FAM3D: variants seen among roughly 807,000 people sequenced by gnomAD.
The protein encoded by FAM3D is FAM3 metabolism regulating signaling molecule D, also known as protein FAM3D.
In FAM3D, 26 loss-of-function variants were observed where a neutral mutation model predicts 29.8. The ratio of observed to expected loss-of-function variants is 0.87; its 90% confidence interval spans 0.64 to 1.21. The LOEUF (loss-of-function observed/expected upper bound fraction) is 1.21. Ranked by LOEUF, FAM3D falls within the 50% of genes most tolerant of loss-of-function variation. The probability of loss-of-function intolerance (pLI) is 0.00; values close to 1 mark genes in which losing one functional copy is unlikely to be tolerated. For synonymous variants in FAM3D, 115 were observed against 102.3 expected (o/e 1.12, Z -0.75); for missense variants, 253 against 290.9 (o/e 0.87, Z 0.95).
chr3:58,660,874 G>A (rs867419391), intron 1 of FAM3D, among the ~76,000 whole-genome samples: 2 of 152,266 alleles, frequency 1.3e-5, no homozygotes, highest in East Asian at 1.9e-4. Flanking sequence ...ACTGAGGCAC[G>A]GCGGTCAAGT....
At chr3:58,654,283 C>G (rs1421671520) in intron 2 of FAM3D, among the ~76,000 whole-genome samples, 1 of 152,228 alleles carries the variant, frequency 6.6e-6, no homozygotes, top group East Asian at 1.9e-4. Context: ...ACAGAGCAGA[C>G]CTGGTAACAC....
At chr3:58,661,511 C>T (rs543577459) in intron 1 of FAM3D, among the ~76,000 whole-genome samples, 9 of 152,284 alleles carry the variant, frequency 5.9e-5, no homozygotes, top group African/African-American at 2.2e-4. Context: ...ACGCTCAGTA[C>T]CTGGCACCCA....
Position 58,636,289 on chromosome 3 carries a change from C to T in FAM3D, c.585+5G>A. 6.2e-7 allele frequency: 1 copy of T among 1,613,520 alleles called. No individual in the cohort carries two copies. The highest frequency in any genetic ancestry group is 8.5e-7 in the Non-Finnish European group (1 of 1,179,818). On this transcript the variant is annotated splice_donor_5th_base_variant and intron_variant, in intron 9 of 9. Transcript: ENST00000358781. ...CATAGGGCCGGGTTGTGGCCCAGAACCCACCTGCTCAAAGGGGCTTTTACC... is the reference window on the plus strand; with the variant it reads ...CATAGGGCCGGGTTGTGGCCCAGAATCCACCTGCTCAAAGGGGCTTTTACC...
At chr3:58,658,697 T>C (rs1029029378) in intron 1 of FAM3D, among the ~76,000 whole-genome samples, 1 of 152,104 alleles carries the variant, frequency 6.6e-6, no homozygotes, top group African/African-American at 2.4e-5. Flanking sequence ...AATCAGAGCT[T>C]TGCAATTTCC....
intron 2 of FAM3D, among the ~76,000 whole-genome samples, chr3:58,654,658 G>A (rs574522588): frequency 3.9e-5 from 6 of 152,160 alleles, no homozygotes; most frequent in African/African-American, 1.4e-4. Context: ...AGGCCCAGCT[G>A]TGGCACCCCT....
intron 7 of FAM3D, among the ~76,000 whole-genome samples, chr3:58,637,746 G>C (rs77982970): frequency 0.076 from 11,544 of 152,166 alleles, 578 homozygotes; most frequent in Middle Eastern, 0.17. Flanking sequence ...AAGGAGCAAG[G>C]CTCTGCGTGT....
chr3:58,661,088 A>C (rs146255953), intron 1 of FAM3D, among the ~76,000 whole-genome samples: 1 of 152,370 alleles, frequency 6.6e-6, no homozygotes, highest in African/African-American at 2.4e-5. Flanking sequence ...AAGCAGCCAC[A>C]GACAATATAT....
chr3:58,655,063 C>A (rs1468870086), intron 2 of FAM3D, among the ~76,000 whole-genome samples: 1 of 152,004 alleles, frequency 6.6e-6, no homozygotes, highest in African/African-American at 2.4e-5. Context: ...GGTTTACACC[C>A]AGAGAAGTAA....
chr3:58,650,172 G>A (rs564228659), intron 3 of FAM3D, among the ~76,000 whole-genome samples: 29 of 152,340 alleles, frequency 1.9e-4, no homozygotes, highest in Admixed American at 1.8e-3. Flanking sequence ...TCCAGAGGAA[G>A]CAGAAATCCT....
At chr3:58,661,615 G>A (rs1559509817) in intron 1 of FAM3D, among the ~76,000 whole-genome samples, 2 of 152,204 alleles carry the variant, frequency 1.3e-5, no homozygotes, top group Non-Finnish European at 2.9e-5. Flanking sequence ...TCTGTATAAC[G>A]TGGTGGCTAA....
chr3:58,634,641 G>C lies in FAM3D; in HGVS notation c.586-273C>G, dbSNP rs946851382. 2.6e-5 allele frequency among the ~76,000 whole-genome samples: 4 copies of C among 152,092 alleles called. No individual in the cohort carries two copies. Among genetic ancestry groups the C allele is most frequent in the African/African-American group, 9.7e-5 (4 of 41,408 alleles). ...CCACAAATTCTCTGTGTCCCTCTAG[G>C]ATACCTCAAATAACAATAATGATAG... On this transcript the variant is annotated intron_variant, in intron 9 of 9. Coordinates refer to ENST00000358781, the MANE Select transcript of FAM3D (RefSeq NM_138805.3). The surrounding 1 kb of genome is among the most constrained non-coding windows in gnomAD (Gnocchi z 4.6).
At chr3:58,636,200 T>C in intron 9 of FAM3D, 94 bp downstream of exon 9, 2 of 1,506,836 alleles carry the variant, frequency 1.3e-6, no homozygotes, top group Non-Finnish European at 1.8e-6. Flanking sequence ...CTCCCAATTT[T>C]AAGGCCCCTG....
Position 58,634,176 on chromosome 3 carries a change from C to A in FAM3D, c.*103G>T, listed in dbSNP as rs894079322. ...GTGCAAGGACCTGCAGCACCTTCCA[C>A]GCAGCACCCCCTGCTCCTCCTCCTC... On this transcript the variant is annotated 3_prime_UTR_variant, in exon 10 of 10. Coordinates refer to ENST00000358781, the MANE Select transcript of FAM3D (RefSeq NM_138805.3). This position sits in a 1 kb window ranked among gnomAD's most constrained non-coding sequence, Gnocchi z 4.6. 2 of 1,046,544 alleles carry A rather than the reference C, an allele frequency of 1.9e-6. No individual in the cohort carries two copies. The highest frequency in any genetic ancestry group is 4.2e-5 in the Admixed American group (2 of 47,516). The allele number at this position is 1,046,544 out of a possible 1,614,324, so 64.8% of individuals were successfully genotyped here.
At position 58,636,313 on chromosome 3, in the gene FAM3D, C is replaced by T. The variant is rs150875329; in HGVS notation, c.566G>A (p.Gly189Asp). 3.1e-6 allele frequency: 5 copies of T among 1,614,016 alleles called. No individual in the cohort carries two copies. Among genetic ancestry groups the T allele is most frequent in the Non-Finnish European group, 4.2e-6 (5 of 1,180,028 alleles). ...ACCCACCTGCTCAAAGGGGCTTTTA[C>T]CCCTGAGGTCTTTGGCTCCTATGAA... ...WVFIGAKDLR[G>D]KSPFEQFLKN... Residue 189 changes from glycine (G) to aspartate (D), a missense_variant, in exon 9 of 10, where the codon GGT (glycine) becomes GAT (aspartate). Transcript: ENST00000358781.
intron 5 of FAM3D, among the ~76,000 whole-genome samples, 186 bp from the exon 6 acceptor site, chr3:58,643,906 T>G (rs1021719812): frequency 6.6e-5 from 10 of 152,184 alleles, no homozygotes; most frequent in African/African-American, 2.4e-4. Context: ...TCTGAAGAGT[T>G]TCTCAAGGCA....
intron 3 of FAM3D, among the ~76,000 whole-genome samples, chr3:58,650,388 GTT>G (rs2066601743): frequency 6.6e-6 from 1 of 152,150 alleles, no homozygotes; most frequent in Admixed American, 6.5e-5. Flanking sequence ...TTGATACATA[GTT>G]GGTGGGGGCA....
At chr3:58,643,336 G>A (rs1278520646) in intron 6 of FAM3D, among the ~76,000 whole-genome samples, 2 of 152,246 alleles carry the variant, frequency 1.3e-5, no homozygotes, top group Non-Finnish European at 2.9e-5. Context: ...CACTGTCATT[G>A]GTTGTCCCCA....
At chr3:58,657,961 C>A (rs1298962673) in intron 1 of FAM3D, among the ~76,000 whole-genome samples, 1 of 152,192 alleles carries the variant, frequency 6.6e-6, no homozygotes, top group Non-Finnish European at 1.5e-5. Flanking sequence ...TGGATGCTTA[C>A]CTAGCCAGCC....
At chr3:58,650,829 T>C (rs1379415896) in intron 3 of FAM3D, among the ~76,000 whole-genome samples, 1 of 152,206 alleles carries the variant, frequency 6.6e-6, no homozygotes, top group East Asian at 1.9e-4. Flanking sequence ...GCCATTCTCC[T>C]GCCTCAACCT....
Sources: gnomAD v4.1 joint callset for allele counts (sites outside exome capture counted in the v4.1 genomes callset) on GRCh38, gnomAD v4.1.1 for gene constraint, Gnocchi (gnomAD v3.1) non-coding constraint, MANE v1.5 for transcripts, NCBI Gene and HGNC (gene_info 2026-07-23, HGNC 2026-07-21) for gene names.